ZNF532: variants seen among roughly 807,000 people sequenced by gnomAD.
ZNF532 encodes the protein zinc finger protein 532.
In ZNF532, 22 loss-of-function variants were observed where a neutral mutation model predicts 89.3. That is an observed-to-expected ratio of 0.25 (90% CI 0.18 to 0.35). The LOEUF (loss-of-function observed/expected upper bound fraction) is 0.35. Among genes scored for constraint, ZNF532 ranks in the 10% least tolerant of loss-of-function variants. The pLI is 1.00. For synonymous variants in ZNF532, 606 were observed against 649.6 expected (o/e 0.93, Z 1.02); for missense variants, 1,132 against 1,643.4 (o/e 0.69, Z 5.38).
rs144403249 is a variant in ZNF532, at chr18:58,917,070, C to G, written c.-17-1201C>G. On this transcript the variant is annotated intron_variant, in intron 2 of 9. Coordinates refer to ENST00000591808, the MANE Select transcript of ZNF532 (RefSeq NM_001375912.1). The stretch of plus-strand genomic sequence containing the variant: ...GTTGCCTGAAGTCAGCTGCTACCCT[C>G]TTCCCTTCCGACTGACTGCTGCTTG... Among the ~76,000 whole-genome samples, 1,086 of 152,326 alleles carry G rather than the reference C, an allele frequency of 7.1e-3. 8 individuals are homozygous for G. The highest frequency in any genetic ancestry group is 0.024 in the African/African-American group (1,016 of 41,572).
intron 2 of ZNF532, among the ~76,000 whole-genome samples, chr18:58,889,266 G>T (rs1178637687): frequency 2.0e-5 from 3 of 152,070 alleles, no homozygotes; most frequent in Non-Finnish European, 4.4e-5. Context: ...TAGCTAGATA[G>T]AGGTGAATAA....
At chr18:58,942,430 T>C (rs1391451796) in intron 5 of ZNF532, among the ~76,000 whole-genome samples, 2 of 148,670 alleles carry the variant, frequency 1.3e-5, no homozygotes, top group Non-Finnish European at 3.0e-5. Flanking sequence ...TAAAAATAGG[T>C]ACTGTATTTT....
chr18:58,983,704 C>G (rs17695069), intron 9 of ZNF532, among the ~76,000 whole-genome samples: 11,541 of 151,404 alleles, frequency 0.076, 553 homozygotes, highest in Admixed American at 0.12. Context: ...ACTCCGCTGC[C>G]ACAAATTTCA....
At chr18:58,970,850 A>G (rs368722687) in intron 7 of ZNF532, among the ~76,000 whole-genome samples, 6 of 152,252 alleles carry the variant, frequency 3.9e-5, no homozygotes, top group African/African-American at 1.4e-4. Flanking sequence ...TACCCCTGGT[A>G]GCCCCACCGT....
At chr18:58,898,292 T>C (rs1315846999) in intron 2 of ZNF532, among the ~76,000 whole-genome samples, 1 of 152,176 alleles carries the variant, frequency 6.6e-6, no homozygotes, top group Non-Finnish European at 1.5e-5. Context: ...TTCTCTGTCT[T>C]ATAGAATAGG....
At chr18:58,895,276 A>G (rs1443966901) in intron 2 of ZNF532, among the ~76,000 whole-genome samples, 2 of 152,210 alleles carry the variant, frequency 1.3e-5, no homozygotes, top group South Asian at 2.1e-4. Context: ...GAACAGACGC[A>G]TGTCTTTAAG....
chr18:58,974,912 A>C lies in ZNF532; in HGVS notation c.3151-4143A>C, dbSNP rs1042528078. ...AGTTAAAACTAAATATTTTCATTCG[A>C]TGTGTCACTGACAAAGTCTTGAGTG... is the stretch of plus-strand genomic sequence containing the variant. On this transcript the variant is annotated intron_variant, in intron 7 of 9. Coordinates refer to ENST00000591808, the MANE Select transcript of ZNF532 (RefSeq NM_001375912.1). Among the ~76,000 whole-genome samples the C allele has an allele frequency of 2.0e-5, 3 of 152,150 alleles. No individual in the cohort carries two copies. In the East Asian group the frequency reaches 5.8e-4, roughly 29 times the overall value.
intron 4 of ZNF532, among the ~76,000 whole-genome samples, chr18:58,937,996 G>A (rs534901446): frequency 2.6e-5 from 4 of 152,348 alleles, no homozygotes; most frequent in East Asian, 1.9e-4. Context: ...CACTGGAAAT[G>A]CTAATGCGTT....
intron 4 of ZNF532, among the ~76,000 whole-genome samples, 194 bp from the exon 5 acceptor site, chr18:58,939,251 A>AAAAAAAAAAAAAC (rs2062756575): frequency 8.0e-6 from 1 of 125,520 alleles, no homozygotes; most frequent in Non-Finnish European, 1.6e-5. Context: ...TGTCTCAAAA[A>AAAAAAAAAAAAAC]AAAAAAAAAA....
chr18:58,921,734 A>G (rs948981248), intron 3 of ZNF532, among the ~76,000 whole-genome samples: 2 of 152,250 alleles, frequency 1.3e-5, no homozygotes, highest in African/African-American at 2.4e-5. Context: ...TATATAATCT[A>G]TTATTTGGAA....
At chr18:58,889,734 C>T (rs1358999837) in intron 2 of ZNF532, among the ~76,000 whole-genome samples, 4 of 151,762 alleles carry the variant, frequency 2.6e-5, no homozygotes, top group African/African-American at 9.7e-5. Context: ...GGTCACGCCA[C>T]TGCACTCCAG....
intron 2 of ZNF532, among the ~76,000 whole-genome samples, chr18:58,899,221 G>A (rs917449182): frequency 1.3e-5 from 2 of 152,204 alleles, no homozygotes; most frequent in Non-Finnish European, 2.9e-5. Flanking sequence ...GGCCAGCAGA[G>A]GTAGAGAGTT....
At position 58,934,592 on chromosome 18, in the gene ZNF532, T is replaced by C. The variant is rs1326463362; in HGVS notation, c.2506T>C (p.Tyr836His). Residue 836 changes from tyrosine to histidine, a missense_variant, in exon 4 of 10, where the codon TAC (tyrosine) becomes CAC (histidine). Transcript: ENST00000591808. ...CCACGTCACCAAGAACTGTCTGCAC[T>C]ACACGAGGAGAGTTGGTTTTCGGTC... ...QTHVTKNCLH[Y>H]TRRVGFRCVH... 6.2e-7 allele frequency: 1 copy of C among 1,614,002 alleles called. No individual in the cohort carries two copies. Among genetic ancestry groups the C allele is most frequent in the Non-Finnish European group, 8.5e-7 (1 of 1,179,978 alleles).
Position 58,948,120 on chromosome 18 carries a change from T to A in ZNF532, c.2759T>A (p.Leu920Gln). The A allele has an allele frequency of 6.2e-7, 1 of 1,613,952 alleles. No homozygotes were observed. Among genetic ancestry groups the A allele is most frequent in the Non-Finnish European group, 8.5e-7 (1 of 1,179,876 alleles). Reference sequence around the variant, plus strand: ...ACTGTGTTCACCCTGCAAACCTTGCTGTATCGCCACTTTGACCAACACATT... The same window carrying A: ...ACTGTGTTCACCCTGCAAACCTTGCAGTATCGCCACTTTGACCAACACATT... ...CDTVFTLQTL[L>Q]YRHFDQHIEN... Residue 920 changes from leucine to glutamine, a missense_variant, in exon 6 of 10, where the codon CTG (leucine) becomes CAG (glutamine). This residue lies in a region of ZNF532 where 415 missense variants were observed against 604.8 expected (regional missense o/e 0.69). Coordinates refer to ENST00000591808, the MANE Select transcript of ZNF532 (RefSeq NM_001375912.1).
At chr18:58,935,491 C>T (rs1352915217) in intron 4 of ZNF532, among the ~76,000 whole-genome samples, 2 of 63,706 alleles carry the variant, frequency 3.1e-5, no homozygotes, top group Non-Finnish European at 6.3e-5. Flanking sequence ...CCCCCTCTTC[C>T]CCCCTTCCTC....
intron 2 of ZNF532, among the ~76,000 whole-genome samples, chr18:58,870,332 A>T (rs911384458): frequency 1.1e-4 from 16 of 152,130 alleles, no homozygotes; most frequent in Non-Finnish European, 1.9e-4. Context: ...TAGGAATGTG[A>T]ATAGGCCGCC....
chr18:58,920,734 ACGTGTGTGTGTGTGTGTGTG>A (rs2060978603), intron 3 of ZNF532, 101 bp downstream of exon 3: 3 of 487,018 alleles, frequency 6.2e-6, no homozygotes, highest in African/African-American at 6.5e-5. Flanking sequence ...AGTGAAATGG[ACGTGTGTGTGTGTGTGTGTG>A]TGTGTGTGTG....
chr18:58,941,970 C>CTCTCCCTT (rs1311588614), intron 5 of ZNF532, among the ~76,000 whole-genome samples: 2 of 131,388 alleles, frequency 1.5e-5, no homozygotes, highest in African/African-American at 5.5e-5. Context: ...CTCTCTCCCT[C>CTCTCCCTT]CCTCCCTCCT....
chr18:58,969,873 CTTTTTTTTTTTT>C lies in ZNF532; in HGVS notation c.3151-9169_3151-9158del, dbSNP rs10617418. On this transcript the variant is annotated intron_variant, in intron 7 of 9. Coordinates refer to ENST00000591808, the MANE Select transcript of ZNF532 (RefSeq NM_001375912.1). The stretch of plus-strand genomic sequence containing the variant: ...TTTTATTATGTAGCAATATTTGTCC[CTTTTTTTTTTTT>C]TTTTTTTTTTTTGCCCCGAGATGGA... Among the ~76,000 whole-genome samples the C allele has an allele frequency of 2.3e-3, 196 of 84,778 alleles. 3 individuals carry two copies. The highest frequency in any genetic ancestry group is 0.019 in the East Asian group (54 of 2,776). The allele number at this position is 84,778 out of a possible 152,430, so 55.6% of individuals were successfully genotyped here. A position where few individuals can be genotyped will look rare whatever the true frequency, so the allele number is the denominator to read the frequency against.
Sources: gnomAD v4.1 joint callset for allele counts (sites outside exome capture counted in the v4.1 genomes callset) on GRCh38, gnomAD v4.1.1 for gene constraint, gnomAD v4.1.1 regional missense constraint, MANE v1.5 for transcripts, NCBI Gene and HGNC (gene_info 2026-07-23, HGNC 2026-07-21) for gene names.